SRGAP1: variants seen among roughly 807,000 people sequenced by gnomAD.
The protein encoded by SRGAP1 is SLIT-ROBO Rho GTPase activating protein 1.
In SRGAP1, 43 loss-of-function variants were observed where a neutral mutation model predicts 121.9. That is an observed-to-expected ratio of 0.35 (90% CI 0.28 to 0.46). The LOEUF is 0.46. SRGAP1 is among the 20% of genes least tolerant of loss of function. The probability of loss-of-function intolerance (pLI) is 1.00; values close to 1 mark genes in which losing one functional copy is unlikely to be tolerated. For missense variants in SRGAP1, 1,102 were observed against 1,350.9 expected, an observed-to-expected ratio of 0.82 and a Z score of 2.89; for synonymous variants, 447 against 485.4, an observed-to-expected ratio of 0.92 and a Z score of 1.04.
chr12:63,887,605 T>A (rs1464767321), intron 1 of SRGAP1: 2 of 152,222 alleles, frequency 1.3e-5, no homozygotes, highest in African/African-American at 4.8e-5. Flanking sequence ...AGGTGGATCA[T>A]CACTTCTAGA....
chr12:63,879,673 C>T (rs1238685367), intron 1 of SRGAP1, among the ~76,000 whole-genome samples: 3 of 152,098 alleles, frequency 2.0e-5, no homozygotes, highest in East Asian at 1.9e-4. Context: ...AAGTTCATGG[C>T]GATTTATTTA....
intron 6 of SRGAP1, among the ~76,000 whole-genome samples, chr12:64,061,122 C>T (rs1360000171): frequency 6.6e-6 from 1 of 151,778 alleles, no homozygotes; most frequent in Non-Finnish European, 1.5e-5. Context: ...TGCTTTTTTT[C>T]AAGTCATATT....
At chr12:63,920,255 T>C (rs1488537232) in intron 1 of SRGAP1, among the ~76,000 whole-genome samples, 1 of 152,198 alleles carries the variant, frequency 6.6e-6, no homozygotes, top group Non-Finnish European at 1.5e-5. Context: ...TATTGAGATA[T>C]AGCCTCTGAA....
At chr12:64,078,638 T>C (rs1565670837) in intron 8 of SRGAP1, among the ~76,000 whole-genome samples, 1 of 152,194 alleles carries the variant, frequency 6.6e-6, no homozygotes, top group Non-Finnish European at 1.5e-5. Context: ...TTGACTTCAA[T>C]TGAAAATGTT....
chr12:63,965,504 A>C (rs1213047426), intron 1 of SRGAP1, among the ~76,000 whole-genome samples: 1 of 152,068 alleles, frequency 6.6e-6, no homozygotes, highest in East Asian at 1.9e-4. Flanking sequence ...AACATCATTT[A>C]CATTAAAAAA....
At chr12:63,929,735 G>T (rs1453749062) in intron 1 of SRGAP1, among the ~76,000 whole-genome samples, 3 of 152,124 alleles carry the variant, frequency 2.0e-5, no homozygotes, top group Admixed American at 6.5e-5. Context: ...AAACTAAAAA[G>T]ATCCATTTTC....
At chr12:64,019,205 A>G (rs1396656373) in intron 4 of SRGAP1, among the ~76,000 whole-genome samples, 10 of 152,232 alleles carry the variant, frequency 6.6e-5, no homozygotes, top group African/African-American at 2.4e-4. Flanking sequence ...AGTGAGAGAT[A>G]TATATAATTA....
chr12:63,902,104 C>T (rs1056426928), intron 1 of SRGAP1, among the ~76,000 whole-genome samples: 1 of 152,158 alleles, frequency 6.6e-6, no homozygotes, highest in Non-Finnish European at 1.5e-5. Context: ...CGCTCGAGCT[C>T]AGGAGTTCGA....
At chr12:64,033,823 C>T (rs563423590) in intron 4 of SRGAP1, among the ~76,000 whole-genome samples, 1 of 152,110 alleles carries the variant, frequency 6.6e-6, no homozygotes, top group Admixed American at 6.5e-5. Flanking sequence ...AGTTCAAGAC[C>T]AGCCTGACCA....
At position 64,161,272 on chromosome 12, in the gene SRGAP1, T is replaced by C. The variant is rs2136671621; in HGVS notation, c.*18600T>C. The C allele has an allele frequency of 6.6e-6, 1 of 152,350 alleles. No homozygotes were observed. The highest frequency in any genetic ancestry group is 1.5e-5 in the Non-Finnish European group (1 of 68,030). 9.4% of individuals were successfully genotyped at this position (152,350 alleles called of 1,614,324 possible). On this transcript the variant is annotated 3_prime_UTR_variant, in exon 22 of 22. Coordinates refer to ENST00000355086, the MANE Select transcript of SRGAP1 (RefSeq NM_020762.4). ...TCTTGGATCTATCAAGGAAGATTTA[T>C]TTGATTATTTTATCTCCTCCATTCC...
chr12:63,865,418 G>A (rs781669461), intron 1 of SRGAP1, among the ~76,000 whole-genome samples: 2 of 152,006 alleles, frequency 1.3e-5, no homozygotes, highest in Non-Finnish European at 2.9e-5. Context: ...GCGGTGAGCC[G>A]AGATCCTGCC....
At chr12:63,880,173 T>G (rs1900148678) in intron 1 of SRGAP1, among the ~76,000 whole-genome samples, 1 of 152,186 alleles carries the variant, frequency 6.6e-6, no homozygotes, top group African/African-American at 2.4e-5. Context: ...TTTCTCCTCC[T>G]TCGCCTACCG....
intron 3 of SRGAP1, among the ~76,000 whole-genome samples, chr12:63,996,733 G>T: frequency 6.6e-6 from 1 of 151,956 alleles, no homozygotes; most frequent in East Asian, 1.9e-4. Flanking sequence ...ATGGTATTCT[G>T]GTGGCCTCAA....
chr12:63,935,331 A>C lies in SRGAP1; in HGVS notation c.68-48616A>C, dbSNP rs146596417. 4.6e-5 allele frequency among the ~76,000 whole-genome samples: 7 copies of C among 152,326 alleles called. No individual in the cohort carries two copies. In the East Asian group the frequency reaches 1.3e-3, roughly 29 times the overall value. On this transcript the variant is annotated intron_variant, in intron 1 of 21. Transcript: ENST00000355086. Reference sequence around the variant, plus strand: ...AAAGCAGATAAATTAGTCGAAGACCATTTATTTTATTATAATATTTATGCT... The same window carrying C: ...AAAGCAGATAAATTAGTCGAAGACCCTTTATTTTATTATAATATTTATGCT...
chr12:64,087,168 A>C (rs984992362), intron 11 of SRGAP1, 142 bp downstream of exon 11: 3 of 591,086 alleles, frequency 5.1e-6, no homozygotes, highest in African/African-American at 1.9e-5. Flanking sequence ...GCAACATGAA[A>C]TGTTTGGGCT....
At chr12:64,028,120 A>C (rs555275694) in intron 4 of SRGAP1, among the ~76,000 whole-genome samples, 1 of 152,212 alleles carries the variant, frequency 6.6e-6, no homozygotes, top group Non-Finnish European at 1.5e-5. Flanking sequence ...TTTCCCCTTC[A>C]ACACTGCCAA....
At position 63,860,140 on chromosome 12, in the gene SRGAP1, G is replaced by A. The variant is rs1045129856; in HGVS notation, c.67+15257G>A. On this transcript the variant is annotated intron_variant, in intron 1 of 21. Coordinates refer to ENST00000355086, the MANE Select transcript of SRGAP1 (RefSeq NM_020762.4). ...CCCACCTCAGCCTCCTGAGTAGGTC[G>A]CTGGGACCACAAGCATGCACCACCA... Among the ~76,000 whole-genome samples the A allele has an allele frequency of 7.2e-5, 11 of 151,942 alleles. No homozygotes were observed. The East Asian group carries it at 9.7e-4, about 13-fold the overall frequency.
At chr12:63,869,467 A>ATGTG (rs35032011) in intron 1 of SRGAP1, among the ~76,000 whole-genome samples, 130 of 151,360 alleles carry the variant, frequency 8.6e-4, no homozygotes, top group African/African-American at 2.2e-3. Context: ...TATGGTATGT[A>ATGTG]TGTGTGTGTG....
chr12:63,854,164 C>T (rs989814569), intron 1 of SRGAP1, among the ~76,000 whole-genome samples: 1 of 152,112 alleles, frequency 6.6e-6, no homozygotes, highest in Non-Finnish European at 1.5e-5. Flanking sequence ...ATGGAATGTC[C>T]CTTTCCTAGC....
Sources: allele counts gnomAD v4.1 joint callset (sites outside exome capture counted in the v4.1 genomes callset), GRCh38; gene constraint gnomAD v4.1.1; transcripts MANE v1.5; gene names NCBI Gene and HGNC (gene_info 2026-07-23, HGNC 2026-07-21).